BCO2: variants seen among roughly 807,000 people sequenced by gnomAD.
BCO2 encodes the protein beta-carotene oxygenase 2.
BCO2 carries 56 observed loss-of-function variants against 65.8 expected under a neutral mutation model. The observed-to-expected ratio is 0.85, with a 90% CI of 0.69 to 1.06. The LOEUF is 1.06. Among genes scored for constraint, BCO2 ranks in the 50% least tolerant of loss-of-function variants. The pLI is 0.00. For missense variants in BCO2, 675 were observed against 698.5 expected (o/e 0.97, Z 0.38); for synonymous variants, 233 against 242.3 (o/e 0.96, Z 0.36).
In BCO2 at chr11:112,193,946, C is replaced by A. The variant is rs527939867; in HGVS notation, c.585C>A (p.Thr195=). 5.0e-6 allele frequency: 8 copies of A among 1,611,544 alleles called. No individual in the cohort carries two copies. Among genetic ancestry groups the A allele is most frequent in the Middle Eastern group, 1.6e-4 (1 of 6,080 alleles). ...GTGATTACTACCTCTGCACTGAGAC[C>A]AACTTTATGAATAAAGTGGACATTG... ...YKGDYYLCTE[T]NFMNKVDIET... Residue 195 remains threonine (T), a synonymous_variant, in exon 4 of 12, where the codon ACC becomes ACA. Transcript: ENST00000357685.
Position 112,188,217 on chromosome 11 carries a change from C to T in BCO2, c.294-5257C>T, listed in dbSNP as rs567261730. Among the ~76,000 whole-genome samples the T allele has an allele frequency of 1.4e-3, 206 of 152,340 alleles. 1 individual carries two copies. The highest frequency in any genetic ancestry group is 4.6e-3 in the African/African-American group (193 of 41,564). On this transcript the variant is annotated intron_variant, in intron 2 of 11. Coordinates refer to ENST00000357685, the MANE Select transcript of BCO2 (RefSeq NM_031938.7). ...CATGTCTTCTCCATCCCAGTTAAAG[C>T]ATCACCAGCCAGCCAGTCATTCAGG...
chr11:112,216,474 A>C, intron 11 of BCO2, 144 bp downstream of exon 11: 2 of 587,460 alleles, frequency 3.4e-6, no homozygotes, highest in Non-Finnish European at 6.0e-6. Flanking sequence ...ATACCCTTTT[A>C]TCTCAATCCA....
At chr11:112,213,703 C>T in intron 8 of BCO2, 21 bp from the exon 9 acceptor site, 1 of 1,609,644 alleles carries the variant, frequency 6.2e-7, no homozygotes. Context: ...CAATTTTCAT[C>T]TCTTTCTTCT....
intron 5 of BCO2, among the ~76,000 whole-genome samples, chr11:112,197,831 C>T (rs1867623202): frequency 6.6e-6 from 1 of 152,176 alleles, no homozygotes; most frequent in Non-Finnish European, 1.5e-5. Flanking sequence ...CATGATAGGG[C>T]CACACTGGCC....
rs758456879 is a variant in BCO2 at position 112,216,296 on chromosome 11, G to A, written c.1592G>A (p.Gly531Glu). The stretch of plus-strand genomic sequence containing the variant: ...CCAGGAACCAATGAAGAAGATGGTG[G>A]GGTTATTCTTTCTGTGGTGATCACT... ...PAPGTNEEDG[G>E]VILSVVITPN... Residue 531 changes from glycine (G) to glutamate (E), a missense_variant, in exon 11 of 12, where the codon GGG becomes GAG. Transcript: ENST00000357685. 1.9e-5 allele frequency: 31 copies of A among 1,613,928 alleles called. No homozygotes were observed. Among genetic ancestry groups the A allele is most frequent in the Non-Finnish European group, 2.6e-5 (31 of 1,179,978 alleles).
chr11:112,179,392 T>G lies in BCO2; in HGVS notation c.203T>G (p.Ile68Ser), dbSNP rs1269253685. Residue 68 changes from isoleucine to serine, a missense_variant, in exon 2 of 12, where the codon ATC becomes AGC. Ile to Ser is a moderately radical substitution (Grantham distance 142, BLOSUM62 -2). Coordinates refer to ENST00000357685, the MANE Select transcript of BCO2 (RefSeq NM_031938.7). ...ACAGTGGAAGAGGCTCCACGGGGCATCTCTGCTCGAGTCTGGGGACATTTT... is the reference window on the plus strand; with the variant it reads ...ACAGTGGAAGAGGCTCCACGGGGCAGCTCTGCTCGAGTCTGGGGACATTTT... ...LTTVEEAPRG[I>S]SARVWGHFPK... 2.5e-6 allele frequency: 4 copies of G among 1,614,182 alleles called. No individual in the cohort carries two copies. In the Admixed American group the frequency reaches 5.0e-5, roughly 20 times the overall value.
At chr11:112,205,223 C>A (rs973481778) in intron 8 of BCO2, among the ~76,000 whole-genome samples, 1 of 152,134 alleles carries the variant, frequency 6.6e-6, no homozygotes, top group African/African-American at 2.4e-5. Flanking sequence ...TCTTTAGGAA[C>A]TCCTATACTG....
At chr11:112,213,137 T>C (rs924236230) in intron 8 of BCO2, among the ~76,000 whole-genome samples, 2 of 119,404 alleles carry the variant, frequency 1.7e-5, no homozygotes, top group Admixed American at 1.7e-4. Context: ...ATAACTTTTT[T>C]TTTTTTTTTT....
chr11:112,198,428 A>C (rs975030034), intron 5 of BCO2, among the ~76,000 whole-genome samples: 17 of 152,110 alleles, frequency 1.1e-4, no homozygotes, highest in African/African-American at 4.1e-4. Context: ...AACACTCAGA[A>C]TGGTGTCTGG....
intron 2 of BCO2, among the ~76,000 whole-genome samples, chr11:112,188,039 C>T (rs1157406899): frequency 1.3e-5 from 2 of 152,132 alleles, no homozygotes; most frequent in Non-Finnish European, 2.9e-5. Flanking sequence ...TATCTAGATA[C>T]TCTCAAACAT....
rs552307613 is a variant in BCO2 at position 112,202,233 on chromosome 11, A to G, written c.1194+43A>G. On this transcript the variant is annotated intron_variant, in intron 8 of 11. Transcript: ENST00000357685. ...TCAAGAGTCATCAAAATAATTTTGA[A>G]CTCCAAGATCTGGCTTTGGCTTTGG... 3 of 1,539,586 alleles carry G rather than the reference A, an allele frequency of 1.9e-6. No individual in the cohort carries two copies. In the South Asian group the frequency reaches 3.6e-5, roughly 19 times the overall value.
intron 4 of BCO2, 61 bp from the exon 5 acceptor site, chr11:112,194,592 T>C: frequency 3.2e-6 from 3 of 948,366 alleles, no homozygotes; most frequent in South Asian, 1.5e-5. Context: ...ATATTTCTAC[T>C]ATTTATGCAT....
intron 5 of BCO2, among the ~76,000 whole-genome samples, chr11:112,199,165 G>A (rs1014585408): frequency 1.2e-4 from 18 of 152,062 alleles, no homozygotes; most frequent in Admixed American, 9.8e-4. Context: ...GTGTCCATGT[G>A]TTCTCATTGT....
intron 7 of BCO2, among the ~76,000 whole-genome samples, chr11:112,201,070 G>T (rs1396348682): frequency 1.3e-5 from 2 of 152,152 alleles, no homozygotes; most frequent in Non-Finnish European, 2.9e-5. Flanking sequence ...GCTAAAGAGG[G>T]TGTTGTTCGT....
At chr11:112,189,474 C>T (rs61899686) in intron 2 of BCO2, among the ~76,000 whole-genome samples, 19,168 of 148,980 alleles carry the variant, frequency 0.13, 1,450 homozygotes, top group East Asian at 0.39. Flanking sequence ...GGCACGATCT[C>T]GGCTCACTGC....
At chr11:112,215,983 C>T (rs1859665792) in intron 10 of BCO2, 1 of 464,778 alleles carries the variant, frequency 2.2e-6, no homozygotes, top group Non-Finnish European at 3.9e-6. Context: ...AGAGCGAGAG[C>T]TCACTTGTCA....
At chr11:112,181,496 A>T in intron 2 of BCO2, 2 of 717,682 alleles carry the variant, frequency 2.8e-6, no homozygotes, top group Non-Finnish European at 5.3e-6. Context: ...TTCTTAATTG[A>T]CCGAAGTCCT....
At chr11:112,200,273 G>A (rs1195733609) in intron 6 of BCO2, 1 of 193,736 alleles carries the variant, frequency 5.2e-6, no homozygotes, top group East Asian at 1.4e-4. Context: ...GCAGGAAAAG[G>A]ATTAAAGGAT....
At chr11:112,203,961 C>T (rs1262694943) in intron 8 of BCO2, among the ~76,000 whole-genome samples, 1 of 152,106 alleles carries the variant, frequency 6.6e-6, no homozygotes, top group East Asian at 1.9e-4. Flanking sequence ...TCAAGTGATT[C>T]TCCTACCTCA....
Sources: gnomAD v4.1 joint callset for allele counts (sites outside exome capture counted in the v4.1 genomes callset) on GRCh38, gnomAD v4.1.1 for gene constraint, MANE v1.5 for transcripts, NCBI Gene and HGNC (gene_info 2026-07-23, HGNC 2026-07-21) for gene names.